The following TBCK variants were observed in gnomAD, a reference collection of about 807,000 sequenced individuals.
TBCK encodes TBC1 domain containing kinase.
A neutral mutation model predicts 113.4 loss-of-function variants in TBCK; 99 were observed. The observed-to-expected ratio is 0.87, with a 90% CI of 0.74 to 1.03. TBCK has a LOEUF of 1.03. Ranked by LOEUF, TBCK falls within the 50% of genes least tolerant of loss-of-function variation. The pLI is 0.00. For missense variants in TBCK, 1,045 were observed against 1,061.3 expected, an observed-to-expected ratio of 0.98 and a Z score of 0.21; for synonymous variants, 369 against 370.8, an observed-to-expected ratio of 1.00 and a Z score of 0.05.
At chr4:106,078,919 T>A (rs1329239759) in intron 25 of TBCK, among the ~76,000 whole-genome samples, 1 of 152,016 alleles carries the variant, frequency 6.6e-6, no homozygotes, top group African/African-American at 2.4e-5. Flanking sequence ...CAGCAGTGCA[T>A]CAAAAAACTA....
chr4:106,171,525 T>C (rs921830923), intron 22 of TBCK, among the ~76,000 whole-genome samples: 3 of 152,124 alleles, frequency 2.0e-5, no homozygotes, highest in Non-Finnish European at 2.9e-5. Context: ...GTCTTTTACT[T>C]GGAATTATCT....
chr4:106,106,113 TG>T, intron 24 of TBCK, among the ~76,000 whole-genome samples: 1 of 150,822 alleles, frequency 6.6e-6, no homozygotes, highest in Admixed American at 6.6e-5. Flanking sequence ...TAAAAAGGAA[TG>T]AACAAAGCCT....
chr4:106,239,022 T>C (rs1050573827), intron 12 of TBCK, among the ~76,000 whole-genome samples: 1 of 152,050 alleles, frequency 6.6e-6, no homozygotes. Context: ...CTTGACTTCC[T>C]GCAGGGGGAG....
At chr4:106,202,245 TATAAAA>T in intron 20 of TBCK, among the ~76,000 whole-genome samples, 1 of 152,056 alleles carries the variant, frequency 6.6e-6, no homozygotes, top group Admixed American at 6.5e-5. Flanking sequence ...CTAGGCACTG[TATAAAA>T]TATTTTATTT....
At chr4:106,173,255 A>AC (rs894114360) in intron 22 of TBCK, among the ~76,000 whole-genome samples, 1 of 152,206 alleles carries the variant, frequency 6.6e-6, no homozygotes, top group African/African-American at 2.4e-5. Context: ...GAAAATACAA[A>AC]CACAAACTAG....
chr4:106,286,283 C>G (rs1261715604), intron 3 of TBCK, among the ~76,000 whole-genome samples: 1 of 152,164 alleles, frequency 6.6e-6, no homozygotes, highest in African/African-American at 2.4e-5. Flanking sequence ...TTTAATCCTA[C>G]TCATGTTAAT....
intron 1 of TBCK, among the ~76,000 whole-genome samples, chr4:106,309,602 A>G (rs1170181100): frequency 6.6e-6 from 1 of 152,032 alleles, no homozygotes; most frequent in Non-Finnish European, 1.5e-5. Flanking sequence ...ACACCCAGCC[A>G]ATAAGGCTCC....
At chr4:106,260,819 G>C (rs1057231344) in intron 4 of TBCK, among the ~76,000 whole-genome samples, 28 of 151,856 alleles carry the variant, frequency 1.8e-4, no homozygotes, top group African/African-American at 6.5e-4. Context: ...AAAACAAAAA[G>C]GCAAAAACAT....
At chr4:106,050,687 T>A (rs1270391371) in intron 25 of TBCK, among the ~76,000 whole-genome samples, 1 of 152,062 alleles carries the variant, frequency 6.6e-6, no homozygotes, top group Non-Finnish European at 1.5e-5. Context: ...TAAGGCCCAC[T>A]ATAGGGCTAC....
rs374603626 is a variant in TBCK, at chr4:106,096,771, TAA to T, written c.2412-1132_2412-1131del. Reference sequence around the variant, plus strand: ...CCTTGAAAATCAGAAATAAAAGACATAAAAGATAATGCTCAGACTGTGTTAAG... The same window carrying T: ...CCTTGAAAATCAGAAATAAAAGACATAAGATAATGCTCAGACTGTGTTAAG... On this transcript the variant is annotated intron_variant, in intron 24 of 25. Coordinates refer to ENST00000394708, the MANE Select transcript of TBCK (RefSeq NM_001163435.3). Among the ~76,000 whole-genome samples the T allele has an allele frequency of 7.9e-5, 12 of 152,258 alleles. No individual in the cohort carries two copies. In the East Asian group the frequency reaches 2.3e-3, roughly 29 times the overall value.
rs571488389 is a variant in TBCK, at chr4:106,233,516, T to C, written c.1512+72A>G. 157 of 1,228,246 alleles carry C rather than the reference T, an allele frequency of 1.3e-4. No individual in the cohort carries two copies. In the Middle Eastern group the frequency reaches 1.6e-3, roughly 12 times the overall value. 76.1% of individuals were successfully genotyped at this position (1,228,246 alleles called of 1,614,324 possible). ...GTATTCATGAGAGAAAGAGGCTTTCTTCATGCTCCTTCCTAAAATTTAAAT... is the reference window on the plus strand; with the variant it reads ...GTATTCATGAGAGAAAGAGGCTTTCCTCATGCTCCTTCCTAAAATTTAAAT... On this transcript the variant is annotated intron_variant, in intron 16 of 25. Transcript: ENST00000394708.
At chr4:106,205,649 C>T (rs1278367896) in intron 20 of TBCK, among the ~76,000 whole-genome samples, 4 of 148,230 alleles carry the variant, frequency 2.7e-5, no homozygotes, top group African/African-American at 1.0e-4. Flanking sequence ...ACCTGTAATC[C>T]CAGTTACTTG....
intron 23 of TBCK, among the ~76,000 whole-genome samples, chr4:106,119,730 C>A (rs1457934612): frequency 2.0e-5 from 3 of 152,102 alleles, no homozygotes; most frequent in Non-Finnish European, 4.4e-5. Context: ...AGACAACTTG[C>A]AGAATGGGAG....
chr4:106,074,047 A>G (rs1737860090), intron 25 of TBCK, among the ~76,000 whole-genome samples: 1 of 152,144 alleles, frequency 6.6e-6, no homozygotes, highest in Non-Finnish European at 1.5e-5. Context: ...GGAAAGGGAA[A>G]TCCCCCAACC....
intron 15 of TBCK, among the ~76,000 whole-genome samples, 192 bp downstream of exon 15, chr4:106,235,077 A>G (rs1240055537): frequency 1.3e-5 from 2 of 151,918 alleles, no homozygotes; most frequent in South Asian, 2.1e-4. Flanking sequence ...AATCTAATAA[A>G]CCCTCCATTA....
chr4:106,220,274 G>GT (rs1560849540), intron 19 of TBCK, among the ~76,000 whole-genome samples: 1 of 152,156 alleles, frequency 6.6e-6, no homozygotes, highest in Admixed American at 6.5e-5. Context: ...GATCTGACGG[G>GT]TTCTTCAGGG....
intron 22 of TBCK, among the ~76,000 whole-genome samples, chr4:106,189,829 T>C (rs1753464306): frequency 1.3e-5 from 2 of 152,154 alleles, no homozygotes; most frequent in Admixed American, 1.3e-4. Flanking sequence ...TGTCTACCTC[T>C]CCATTCACTT....
intron 23 of TBCK, among the ~76,000 whole-genome samples, chr4:106,141,351 G>A (rs1747132104): frequency 7.1e-6 from 1 of 140,306 alleles, no homozygotes; most frequent in African/African-American, 2.5e-5. Flanking sequence ...AAAACTTGCA[G>A]AGTATTTATA....
At chr4:106,225,799 A>C (rs1758177517) in intron 19 of TBCK, among the ~76,000 whole-genome samples, 2 of 151,692 alleles carry the variant, frequency 1.3e-5, no homozygotes, top group Non-Finnish European at 2.9e-5. Flanking sequence ...CATGTTGTGT[A>C]CACTACAGTC....
Sources: gnomAD v4.1 joint callset for allele counts (sites outside exome capture counted in the v4.1 genomes callset) on GRCh38, gnomAD v4.1.1 for gene constraint, MANE v1.5 for transcripts, NCBI Gene and HGNC (gene_info 2026-07-23, HGNC 2026-07-21) for gene names.